Variants in CNRIP1 observed in about 807,000 individuals in gnomAD.
The protein encoded by CNRIP1 is cannabinoid receptor interacting protein 1, also known as CB1 cannabinoid receptor-interacting protein 1.
Under a neutral mutation model 15.2 loss-of-function variants are expected in CNRIP1, and 10 were observed. That is an observed-to-expected ratio of 0.66 (90% CI 0.41 to 1.12). CNRIP1 has a LOEUF of 1.12. Among genes scored for constraint, CNRIP1 ranks in the 50% most tolerant of loss-of-function variants. The probability of loss-of-function intolerance (pLI) is 0.00; values close to 1 mark genes in which losing one functional copy is unlikely to be tolerated. For missense variants in CNRIP1, 211 were observed against 214.7 expected, an observed-to-expected ratio of 0.98 and a Z score of 0.11; for synonymous variants, 91 against 83.2, an observed-to-expected ratio of 1.09 and a Z score of -0.51.
intron 2 of CNRIP1, chr2:68,284,610 G>C: frequency 1.9e-6 from 1 of 515,676 alleles, no homozygotes; most frequent in Non-Finnish European, 3.4e-6. Context: ...TCAGGAGTTC[G>C]AGACCAGCTG....
downstream of CNRIP1, among the ~76,000 whole-genome samples, chr2:68,288,094 T>C (rs547455614): frequency 2.1e-3 from 193 of 90,102 alleles, 3 homozygotes; most frequent in South Asian, 0.075. Context: ...GCCAGCCAGC[T>C]CTTTCTAGAA....
At chr2:68,318,692 C>A (rs1329536821) in intron 1 of CNRIP1, among the ~76,000 whole-genome samples, 2 of 152,236 alleles carry the variant, frequency 1.3e-5, no homozygotes, top group Non-Finnish European at 2.9e-5. Flanking sequence ...AGGGTCCCAG[C>A]CACTGAATGG....
At chr2:68,306,808 C>G (rs1337836404) in intron 2 of CNRIP1, among the ~76,000 whole-genome samples, 1 of 151,542 alleles carries the variant, frequency 6.6e-6, no homozygotes, top group East Asian at 1.9e-4. Context: ...ACAAACTTAC[C>G]CTTAAGGGTA....
chr2:68,302,992 C>G (rs919385419), intron 2 of CNRIP1, among the ~76,000 whole-genome samples: 1 of 151,642 alleles, frequency 6.6e-6, no homozygotes, highest in African/African-American at 2.4e-5. Flanking sequence ...GGACTACAGG[C>G]GCCCGCTACC....
At chr2:68,289,653 G>A (rs1024195585), downstream of CNRIP1, among the ~76,000 whole-genome samples, 1 of 151,936 alleles carries the variant, frequency 6.6e-6, no homozygotes, top group Non-Finnish European at 1.5e-5. Flanking sequence ...GCTAATTTTT[G>A]TGTTTTTCAT....
chr2:68,319,530 C>A lies in CNRIP1; in HGVS notation c.-130G>T. ...GAGGGAGGTGGTGGAGCTGAGGCTGCCGCTAGGAACCCGCGCCGTCGCCGC... is the reference window on the plus strand; with the variant it reads ...GAGGGAGGTGGTGGAGCTGAGGCTGACGCTAGGAACCCGCGCCGTCGCCGC... On this transcript the variant is annotated 5_prime_UTR_variant, in exon 1 of 3. Transcript: ENST00000263655. The A allele has an allele frequency of 1.0e-6, 1 of 976,464 alleles. No individual in the cohort carries two copies. The highest frequency in any genetic ancestry group is 1.4e-6 in the Non-Finnish European group (1 of 702,000). 60.5% of individuals were successfully genotyped at this position (976,464 alleles called of 1,614,324 possible).
intron 2 of CNRIP1, among the ~76,000 whole-genome samples, chr2:68,305,244 C>CAAAAAAA (rs60243249): frequency 1.9e-4 from 17 of 91,634 alleles, no homozygotes; most frequent in African/African-American, 6.6e-4. Context: ...AACTCCGTCT[C>CAAAAAAA]AAAAAAAAAA....
At chr2:68,313,287 T>G (rs1306911974) in intron 2 of CNRIP1, among the ~76,000 whole-genome samples, 3 of 152,120 alleles carry the variant, frequency 2.0e-5, no homozygotes, top group African/African-American at 7.2e-5. Flanking sequence ...CTTACACAGA[T>G]AAACACATAC....
intron 2 of CNRIP1, among the ~76,000 whole-genome samples, chr2:68,305,328 T>C (rs1047688068): frequency 2.1e-5 from 3 of 140,514 alleles, no homozygotes; most frequent in African/African-American, 7.9e-5. Flanking sequence ...ATAAAACATA[T>C]ATAATATATA....
chr2:68,295,873 G>T (rs1671337643), intron 2 of CNRIP1, among the ~76,000 whole-genome samples: 2 of 152,186 alleles, frequency 1.3e-5, no homozygotes, highest in African/African-American at 4.8e-5. Context: ...CTTAAGATGA[G>T]TCCATTTATT....
chr2:68,306,583 C>T (rs1458594365), intron 2 of CNRIP1, among the ~76,000 whole-genome samples: 1 of 152,042 alleles, frequency 6.6e-6, no homozygotes, highest in African/African-American at 2.4e-5. Flanking sequence ...GAGTTTGAGA[C>T]CAGCCTGTCC....
At chr2:68,316,495 A>T (rs1434128821) in intron 2 of CNRIP1, 1 of 152,116 alleles carries the variant, frequency 6.6e-6, no homozygotes, top group African/African-American at 2.4e-5. Context: ...ATGTTTGCAC[A>T]TATAGTTAAA....
intron 2 of CNRIP1, among the ~76,000 whole-genome samples, chr2:68,311,776 G>A (rs1423666787): frequency 9.2e-5 from 6 of 65,460 alleles, no homozygotes; most frequent in African/African-American, 1.4e-4. Flanking sequence ...CTCCATCTCC[G>A]GGGAAAAAAA....
In CNRIP1 at chr2:68,293,913, C is replaced by T. The variant is rs1166875840; in HGVS notation, c.444G>A (p.Lys148=). The T allele has an allele frequency of 3.1e-6, 5 of 1,613,968 alleles. No homozygotes were observed. The highest frequency in any genetic ancestry group is 4.2e-6 in the Non-Finnish European group (5 of 1,179,984). Residue 148 remains lysine (K), a synonymous_variant, in exon 3 of 3, where the codon AAG becomes AAA. Transcript: ENST00000263655. ...SPFSVIEYEC[K]PNETRSLMWV... is the part of the protein sequence containing the mutation. The stretch of plus-strand genomic sequence containing the variant: ...ACATCAGACTGCGTGTCTCGTTGGG[C>T]TTGCATTCATACTCAATGACAGAGA...
downstream of CNRIP1, among the ~76,000 whole-genome samples, chr2:68,290,557 G>GA (rs916840323): frequency 2.2e-4 from 33 of 150,442 alleles, no homozygotes; most frequent in African/African-American, 4.4e-4. Flanking sequence ...TGTCCTCTCT[G>GA]AAAAAAAAAG....
At chr2:68,300,737 G>A (rs1573017100) in intron 2 of CNRIP1, among the ~76,000 whole-genome samples, 2 of 152,118 alleles carry the variant, frequency 1.3e-5, no homozygotes, top group African/African-American at 4.8e-5. Flanking sequence ...CTTTAAAATT[G>A]ATAAACCCCT....
chr2:68,296,875 G>A (rs372469379), intron 2 of CNRIP1, among the ~76,000 whole-genome samples: 124 of 151,916 alleles, frequency 8.2e-4, no homozygotes, highest in African/African-American at 2.9e-3. Flanking sequence ...TCCTGACCTC[G>A]TGATCCACCC....
At chr2:68,291,606 C>T (rs954823214), downstream of CNRIP1, among the ~76,000 whole-genome samples, 2 of 151,934 alleles carry the variant, frequency 1.3e-5, no homozygotes, top group Admixed American at 6.5e-5. Flanking sequence ...ATGGGCCCAG[C>T]GTAGTGGCTC....
intron 2 of CNRIP1, among the ~76,000 whole-genome samples, chr2:68,287,931 T>C (rs963550570): frequency 6.6e-6 from 1 of 152,336 alleles, no homozygotes; most frequent in East Asian, 1.9e-4. Flanking sequence ...GGAAGCAATG[T>C]CAGTAAAAGA....
Sources: allele counts gnomAD v4.1 joint callset (sites outside exome capture counted in the v4.1 genomes callset), GRCh38; gene constraint gnomAD v4.1.1; transcripts MANE v1.5; gene names NCBI Gene and HGNC (gene_info 2026-07-23, HGNC 2026-07-21).